Variants in NIPAL2 observed in about 807,000 individuals in gnomAD.
NIPAL2 encodes the protein NIPA like domain containing 2.
Under a neutral mutation model 48.9 loss-of-function variants are expected in NIPAL2, and 43 were observed. The ratio of observed to expected loss-of-function variants is 0.88; its 90% CI spans 0.69 to 1.13. The LOEUF (loss-of-function observed/expected upper bound fraction) is 1.13. Ranked by LOEUF, NIPAL2 falls within the 50% of genes most tolerant of loss-of-function variation. The pLI, the probability that NIPAL2 is intolerant of heterozygous loss-of-function variation, is 0.00. For missense variants in NIPAL2, 446 were observed against 461.4 expected, an observed-to-expected ratio of 0.97 and a Z score of 0.31; for synonymous variants, 167 against 174.6, an observed-to-expected ratio of 0.96 and a Z score of 0.34.
chr8:98,263,375 C>A (rs1489226361), intron 1 of NIPAL2, among the ~76,000 whole-genome samples: 1 of 150,308 alleles, frequency 6.7e-6, no homozygotes, highest in Non-Finnish European at 1.5e-5. Flanking sequence ...AATTGATAGA[C>A]CGCTAGCAAG....
chr8:98,266,334 G>C (rs1446646380), intron 1 of NIPAL2, among the ~76,000 whole-genome samples: 1 of 151,832 alleles, frequency 6.6e-6, no homozygotes, highest in African/African-American at 2.4e-5. Context: ...GGACGCAGTG[G>C]CTCACACCTG....
At chr8:98,249,374 C>T (rs780759441) in intron 3 of NIPAL2, among the ~76,000 whole-genome samples, 1 of 152,002 alleles carries the variant, frequency 6.6e-6, no homozygotes, top group African/African-American at 2.4e-5. Flanking sequence ...AAGAAAGATG[C>T]TTCAAGAAAG....
intron 1 of NIPAL2, among the ~76,000 whole-genome samples, chr8:98,261,797 G>A (rs1156718385): frequency 6.7e-6 from 1 of 149,442 alleles, no homozygotes; most frequent in Non-Finnish European, 1.5e-5. Context: ...GATACTCCTC[G>A]AGAAGAGCAA....
intron 1 of NIPAL2, among the ~76,000 whole-genome samples, chr8:98,277,564 A>C (rs1354253844): frequency 3.3e-5 from 5 of 152,084 alleles, no homozygotes; most frequent in Admixed American, 3.3e-4. Flanking sequence ...GAATATTTTC[A>C]TCACCTCAAA....
intron 4 of NIPAL2, among the ~76,000 whole-genome samples, chr8:98,234,338 C>A (rs750200061): frequency 6.6e-6 from 1 of 152,148 alleles, no homozygotes; most frequent in Non-Finnish European, 1.5e-5. Flanking sequence ...TCATTTATCA[C>A]TAATATTCAA....
At chr8:98,202,292 G>A (rs1209081805) in intron 8 of NIPAL2, among the ~76,000 whole-genome samples, 69 of 152,206 alleles carry the variant, frequency 4.5e-4, no homozygotes, top group Non-Finnish European at 1.9e-4. Flanking sequence ...GGGGCATATA[G>A]GGAAGAGTTA....
chr8:98,229,391 G>T (rs1563505424), intron 4 of NIPAL2, among the ~76,000 whole-genome samples: 2 of 152,098 alleles, frequency 1.3e-5, no homozygotes, highest in Non-Finnish European at 2.9e-5. Context: ...GTTTTAAATA[G>T]AGACACAGTC....
intron 5 of NIPAL2, among the ~76,000 whole-genome samples, chr8:98,220,852 TG>T (rs1811818603): frequency 1.3e-5 from 2 of 152,098 alleles, no homozygotes; most frequent in Non-Finnish European, 2.9e-5. Flanking sequence ...TGTGACAAGT[TG>T]CATATCAGCC....
In NIPAL2 at chr8:98,194,708, T is replaced by A. The variant is rs752231622; in HGVS notation, c.1039+20A>T. 1.4e-6 allele frequency: 2 copies of A among 1,405,034 alleles called. No individual in the cohort carries two copies. The highest frequency in any genetic ancestry group is 1.9e-6 in the Non-Finnish European group (2 of 1,031,290). 87.0% of individuals were successfully genotyped at this position (1,405,034 alleles called of 1,614,324 possible). A position where few individuals can be genotyped will look rare whatever the true frequency, so the allele number is the denominator to read the frequency against. Reference sequence around the variant, plus strand: ...TTTATAAGGATCAAATTTTCCACTATAAAGAATATATGATTTTACCAGGAA... The same window carrying A: ...TTTATAAGGATCAAATTTTCCACTAAAAAGAATATATGATTTTACCAGGAA... On this transcript the variant is annotated intron_variant, in intron 10 of 10. Coordinates refer to ENST00000430223, the MANE Select transcript of NIPAL2 (RefSeq NM_001321635.2).
chr8:98,245,286 A>T (rs76807351), intron 3 of NIPAL2, among the ~76,000 whole-genome samples: 2,680 of 152,348 alleles, frequency 0.018, 40 homozygotes, highest in Non-Finnish European at 0.031. Flanking sequence ...CTACATAATT[A>T]TCATTCCCCG....
chr8:98,253,890 T>TAA lies in NIPAL2; in HGVS notation c.204+127_204+128dup, dbSNP rs1280280638. The TAA allele has an allele frequency of 2.3e-5, 13 of 570,238 alleles. No individual in the cohort carries two copies. The Admixed American group carries it at 4.2e-4, about 18-fold the overall frequency. The allele number at this position is 570,238 out of a possible 1,614,324, so 35.3% of individuals were successfully genotyped here. ...ATTTGTGTTTATACCAATGAGGTCA[T>TAA]AAAATATATATTTTTTATAATTTTT... On this transcript the variant is annotated intron_variant, in intron 2 of 10. Transcript: ENST00000430223.
rs1812743006 is a variant in NIPAL2 at position 98,236,864 on chromosome 8, A to AC, written c.377-651_377-650insG. Among the ~76,000 whole-genome samples the AC allele has an allele frequency of 2.0e-5, 3 of 151,268 alleles. No individual in the cohort carries two copies. In the South Asian group the frequency reaches 6.3e-4, roughly 32 times the overall value. ...GAGATCCTGTCTCAAAAAAAAAAAA[A>AC]AAAAAAAAAAAGGACAGGAAGAACT... is the stretch of plus-strand genomic sequence containing the variant. On this transcript the variant is annotated intron_variant, in intron 3 of 10. Coordinates refer to ENST00000430223, the MANE Select transcript of NIPAL2 (RefSeq NM_001321635.2).
chr8:98,226,191 C>T (rs140901567), intron 4 of NIPAL2, among the ~76,000 whole-genome samples: 6 of 152,226 alleles, frequency 3.9e-5, no homozygotes, highest in African/African-American at 1.4e-4. Flanking sequence ...GGTTACATAA[C>T]CTTGCCTCTC....
At chr8:98,230,394 G>A (rs1282499903) in intron 4 of NIPAL2, among the ~76,000 whole-genome samples, 1 of 152,136 alleles carries the variant, frequency 6.6e-6, no homozygotes, top group Non-Finnish European at 1.5e-5. Flanking sequence ...TAAGGTAGAT[G>A]CTCCACCAAA....
intron 4 of NIPAL2, among the ~76,000 whole-genome samples, chr8:98,232,014 T>C (rs2130780725): frequency 6.6e-6 from 1 of 152,340 alleles, no homozygotes; most frequent in South Asian, 2.1e-4. Flanking sequence ...TAAAAAATTT[T>C]TTTTTTGCTT....
chr8:98,274,321 A>G (rs1815335828), intron 1 of NIPAL2, among the ~76,000 whole-genome samples: 3 of 151,906 alleles, frequency 2.0e-5, no homozygotes, highest in Non-Finnish European at 4.4e-5. Context: ...TATCTCCATT[A>G]ATACATTGCT....
At chr8:98,201,537 AC>A (rs1464720736) in intron 8 of NIPAL2, among the ~76,000 whole-genome samples, 1 of 152,052 alleles carries the variant, frequency 6.6e-6, no homozygotes, top group Non-Finnish European at 1.5e-5. Flanking sequence ...GGTCCGTGCC[AC>A]CATACCTGGC....
At chr8:98,250,968 AT>A (rs1813556938) in intron 3 of NIPAL2, among the ~76,000 whole-genome samples, 1 of 152,100 alleles carries the variant, frequency 6.6e-6, no homozygotes, top group East Asian at 1.9e-4. Context: ...GCTATATCGC[AT>A]TTCTGTGAAA....
chr8:98,218,940 C>G (rs920754554), intron 5 of NIPAL2, among the ~76,000 whole-genome samples: 1 of 152,142 alleles, frequency 6.6e-6, no homozygotes, highest in Admixed American at 6.5e-5. Flanking sequence ...TATTAAGAGG[C>G]TGCTGACACA....
Sources: gnomAD v4.1 joint callset for allele counts (sites outside exome capture counted in the v4.1 genomes callset) on GRCh38, gnomAD v4.1.1 for gene constraint, MANE v1.5 for transcripts, NCBI Gene and HGNC (gene_info 2026-07-23, HGNC 2026-07-21) for gene names.